Variants in METTL17 observed in about 807,000 individuals in gnomAD.
METTL17 encodes the protein ribosome assembly protein METTL17, mitochondrial.
Under a neutral mutation model 59.4 loss-of-function variants are expected in METTL17, and 49 were observed. The ratio of observed to expected loss-of-function variants is 0.82; its 90% CI spans 0.66 to 1.05. The LOEUF (loss-of-function observed/expected upper bound fraction) is 1.05. Among genes scored for constraint, METTL17 ranks in the 50% least tolerant of loss-of-function variants. The probability of loss-of-function intolerance (pLI) is 0.00; values close to 1 mark genes in which losing one functional copy is unlikely to be tolerated. For missense variants in METTL17, 555 were observed against 578.4 expected, an observed-to-expected ratio of 0.96 and a Z score of 0.41; for synonymous variants, 208 against 209.2, an observed-to-expected ratio of 0.99 and a Z score of 0.05.
At chr14:20,990,759 A>C in intron 3 of METTL17, 161 bp downstream of exon 3, 3 of 873,400 alleles carry the variant, frequency 3.4e-6, no homozygotes, top group Non-Finnish European at 5.2e-6. Flanking sequence ...AAGAAGGTAG[A>C]TTATTTTAGA....
At chr14:20,993,675 A>T (rs913493855) in intron 6 of METTL17, 1 of 236,418 alleles carries the variant, frequency 4.2e-6, no homozygotes. Flanking sequence ...GGGTTTCACC[A>T]TATTGGCCAG....
At chr14:20,993,875 T>C in intron 6 of METTL17, 94 bp from the exon 7 acceptor site, 1 of 766,478 alleles carries the variant, frequency 1.3e-6, no homozygotes, top group South Asian at 1.7e-5. Context: ...AACACTCTCT[T>C]TTCCCAGGGG....
In METTL17 at chr14:20,996,329, TC is replaced by T. The variant is rs747644603; in HGVS notation, c.1080+39del. 3.1e-6 allele frequency: 5 copies of T among 1,588,734 alleles called. No individual in the cohort carries two copies. The East Asian group carries it at 6.7e-5, about 21-fold the overall frequency. ...GGGATATTGCAGCAGGAAGCAAACA[TC>T]CTGGAAAAACAGGAAGAAAAAGAAT... On this transcript the variant is annotated intron_variant, in intron 12 of 13. Coordinates refer to ENST00000339374, the MANE Select transcript of METTL17 (RefSeq NM_022734.3).
In METTL17 at chr14:20,990,388, G is replaced by C; in HGVS notation, c.229+5G>C. The C allele has an allele frequency of 6.2e-7, 1 of 1,613,738 alleles. No individual in the cohort carries two copies. The highest frequency in any genetic ancestry group is 8.5e-7 in the Non-Finnish European group (1 of 1,179,716). ...GTGCCCAGTTATTGCTACTTGGTGA[G>C]TAACGGCGGGAAAGCGAGAAGAAAC... On this transcript the variant is annotated splice_donor_5th_base_variant and intron_variant, in intron 2 of 13. Coordinates refer to ENST00000339374, the MANE Select transcript of METTL17 (RefSeq NM_022734.3).
At chr14:20,993,857 T>C (rs1880195719) in intron 6 of METTL17, 112 bp from the exon 7 acceptor site, 1 of 654,068 alleles carries the variant, frequency 1.5e-6, no homozygotes, top group African/African-American at 1.8e-5. Context: ...ATACAACTAC[T>C]TTAACATAAC....
intron 6 of METTL17, chr14:20,993,676 T>C (rs1880174032): frequency 8.4e-6 from 2 of 237,186 alleles, no homozygotes; most frequent in South Asian, 1.4e-4. Context: ...GGTTTCACCA[T>C]ATTGGCCAGG....
intron 5 of METTL17, 111 bp downstream of exon 5, chr14:20,992,733 A>T (rs1594340882): frequency 1.5e-4 from 114 of 778,494 alleles, no homozygotes; most frequent in Middle Eastern, 2.4e-4. Flanking sequence ...TTTTTTTTTT[A>T]AAGAGGATCT....
chr14:20,996,992 T>C lies in METTL17; in HGVS notation c.*102T>C, dbSNP rs1880424949. 3 of 1,166,878 alleles carry C rather than the reference T, an allele frequency of 2.6e-6. No homozygotes were observed. The Admixed American group carries it at 9.0e-5, about 35-fold the overall frequency. The allele number at this position is 1,166,878 out of a possible 1,614,324, so 72.3% of individuals were successfully genotyped here. On this transcript the variant is annotated 3_prime_UTR_variant, in exon 14 of 14. Coordinates refer to ENST00000339374, the MANE Select transcript of METTL17 (RefSeq NM_022734.3). The stretch of plus-strand genomic sequence containing the variant: ...TGGTATCCCCATATGTCTGTGTTTG[T>C]TTGAGATTTTTAATAATAAATAATA...
chr14:20,993,681 G>C (rs56390589), intron 6 of METTL17: 7,101 of 235,858 alleles, frequency 0.03, 147 homozygotes, highest in Non-Finnish European at 0.043. Flanking sequence ...CACCATATTG[G>C]CCAGGCTGGT....
Position 20,990,311 on chromosome 14 carries a change from C to T in METTL17, c.157C>T (p.Pro53Ser), listed in dbSNP as rs751182257. 3 of 1,614,230 alleles carry T rather than the reference C, an allele frequency of 1.9e-6. No homozygotes were observed. The highest frequency in any genetic ancestry group is 2.2e-5 in the East Asian group (1 of 44,882). ...GCAGAAGAGGCCTCATCGCCAGCAC[C>T]CTGGCATCCTAAAGCTGCCGCACGT... ...FLQKRPHRQH[P>S]GILKLPHVRL... Residue 53 changes from proline to serine, a missense_variant, in exon 2 of 14, where the codon CCT (proline) becomes TCT (serine). By Grantham distance (74) the Pro-to-Ser change is moderately conservative. Coordinates refer to ENST00000339374, the MANE Select transcript of METTL17 (RefSeq NM_022734.3).
At chr14:20,991,091 G>A (rs1880009319) in intron 3 of METTL17, among the ~76,000 whole-genome samples, 1 of 152,114 alleles carries the variant, frequency 6.6e-6, no homozygotes, top group African/African-American at 2.4e-5. Flanking sequence ...GCCTCCCAAA[G>A]TGCTAGGATT....
chr14:20,993,184 G>A lies in METTL17; in HGVS notation c.595G>A (p.Val199Ile). 1 of 1,614,058 alleles carries A rather than the reference G, an allele frequency of 6.2e-7. No individual in the cohort carries two copies. The highest frequency in any genetic ancestry group is 1.1e-5 in the South Asian group (1 of 91,078). Residue 199 changes from valine to isoleucine, a missense_variant, in exon 6 of 14, where the codon GTC becomes ATC. Coordinates refer to ENST00000339374, the MANE Select transcript of METTL17 (RefSeq NM_022734.3). ...GGACTTTGGCTCAGGTACTGGTTCT[G>A]TCACCTGGTGAGTAACTTTCTTCAG... ...LMDFGSGTGS[V>I]TWAAHSIWGQ...
intron 4 of METTL17, 148 bp from the exon 5 acceptor site, chr14:20,992,393 G>GT: frequency 1.3e-6 from 1 of 748,216 alleles, no homozygotes; most frequent in East Asian, 2.6e-5. Context: ...TTTAGTGTTT[G>GT]TAAGTCTCCC....
At chr14:20,995,783 A>G (rs1880332474) in intron 10 of METTL17, 118 bp from the exon 11 acceptor site, 2 of 760,406 alleles carry the variant, frequency 2.6e-6, no homozygotes, top group African/African-American at 1.7e-5. Context: ...CAAAGGACAT[A>G]GTCAATCGTT....
chr14:20,995,999 G>A (rs745764358), intron 11 of METTL17, 48 bp downstream of exon 11: 16 of 1,596,908 alleles, frequency 1.0e-5, no homozygotes, highest in Middle Eastern at 1.7e-4. Flanking sequence ...GAACTTAGGC[G>A]TGGCCGGGAA....
In METTL17 at chr14:20,996,944, C is replaced by CCTGGTATCCAGGAGGGGAATG. The variant is rs1880422492; in HGVS notation, c.*64_*84dup. The stretch of plus-strand genomic sequence containing the variant: ...ATCGTGCCTGCCAGGGCTGAAGCTG[C>CCTGGTATCCAGGAGGGGAATG]CTGGTATCCAGGAGGGGAATGCTGG... On this transcript the variant is annotated 3_prime_UTR_variant, in exon 14 of 14. Transcript: ENST00000339374. 2 of 1,556,362 alleles carry CCTGGTATCCAGGAGGGGAATG rather than the reference C, an allele frequency of 1.3e-6. No homozygotes were observed. The highest frequency in any genetic ancestry group is 1.7e-5 in the Admixed American group (1 of 57,996).
intron 11 of METTL17, 101 bp from the exon 12 acceptor site, chr14:20,996,108 C>T: frequency 1.9e-6 from 2 of 1,073,830 alleles, no homozygotes; most frequent in Non-Finnish European, 2.9e-6. Flanking sequence ...CTGCTCCTGT[C>T]CTCCCTTCTC....
At position 20,990,084 on chromosome 14, in the gene METTL17, G is replaced by C. The variant is rs759630831; in HGVS notation, c.75+7G>C. ...AGTGGCTCCCCAGGCCCGGGTGAGT[G>C]CCTACATTCCCTGCTGTCGGAGAGA... On this transcript the variant is annotated splice_region_variant and intron_variant, in intron 1 of 13. Transcript: ENST00000339374. 6.2e-7 allele frequency: 1 copy of C among 1,612,912 alleles called. No homozygotes were observed.
At chr14:20,990,873 C>G (rs1212015962) in intron 3 of METTL17, 3 of 409,720 alleles carry the variant, frequency 7.3e-6, no homozygotes, top group African/African-American at 2.1e-5. Context: ...GCTCTGTCAC[C>G]CAGGCTGAAG....
Sources: allele counts gnomAD v4.1 joint callset (sites outside exome capture counted in the v4.1 genomes callset), GRCh38; gene constraint gnomAD v4.1.1; transcripts MANE v1.5; gene names NCBI Gene and HGNC (gene_info 2026-07-23, HGNC 2026-07-21).